The following ADISSP variants were observed in gnomAD, a reference collection of about 807,000 sequenced individuals.
ADISSP encodes adipose secreted signaling protein.
At chr20:3,766,288 T>C in the ADISSP span, among the ~76,000 whole-genome samples, 1 of 152,346 alleles carries the variant, frequency 6.6e-6, no homozygotes, top group African/African-American at 2.4e-5. Context: ...AGGCCACACA[T>C]ACTCAGAACA....
At chr20:3,760,348 C>T in the ADISSP span, among the ~76,000 whole-genome samples, 3 of 152,198 alleles carry the variant, frequency 2.0e-5, no homozygotes, top group Non-Finnish European at 4.4e-5. Context: ...TGCCCACCCT[C>T]TACCGACTGC....
chr20:3,755,385 C>T, the ADISSP span: 72 of 1,351,208 alleles, frequency 5.3e-5, no homozygotes, highest in Non-Finnish European at 7.3e-5. Context: ...GCTGAGCTGC[C>T]CATCCACCCT....
the ADISSP span, among the ~76,000 whole-genome samples, chr20:3,756,472 G>A: frequency 1.3e-5 from 2 of 151,806 alleles, no homozygotes; most frequent in African/African-American, 4.8e-5. Flanking sequence ...GGTGCCTGCT[G>A]TACTCCCAGC....
the ADISSP span, chr20:3,758,601 C>T: frequency 1.2e-6 from 2 of 1,614,112 alleles, no homozygotes; most frequent in Non-Finnish European, 1.7e-6. The surrounding 1 kb of genome is among the most constrained non-coding windows in gnomAD (Gnocchi z 5.5). Context: ...AGCTTCTCAT[C>T]AAAGTGGACG....
At chr20:3,756,837 A>T in the ADISSP span, among the ~76,000 whole-genome samples, 2 of 152,204 alleles carry the variant, frequency 1.3e-5, no homozygotes, top group Non-Finnish European at 2.9e-5. Context: ...CAGCTAAGTC[A>T]ATGATGACAC....
the ADISSP span, among the ~76,000 whole-genome samples, chr20:3,763,093 T>C: frequency 4.6e-5 from 7 of 150,862 alleles, no homozygotes; most frequent in Non-Finnish European, 1.0e-4. Context: ...CCATCTCTAC[T>C]AAAAATACAA....
At chr20:3,758,656 A>G in the ADISSP span, 7 of 1,613,628 alleles carry the variant, frequency 4.3e-6, no homozygotes, top group South Asian at 3.3e-5. The surrounding 1 kb of genome is among the most constrained non-coding windows in gnomAD (Gnocchi z 5.5). Flanking sequence ...CAAAGCGGAT[A>G]CTCCGGACTC....
At chr20:3,762,226 C>T in the ADISSP span, among the ~76,000 whole-genome samples, 5 of 151,134 alleles carry the variant, frequency 3.3e-5, no homozygotes, top group East Asian at 3.9e-4. Context: ...GAGCCAAGAT[C>T]GCGCCACGGC....
chr20:3,757,773 CGT>C, the ADISSP span, among the ~76,000 whole-genome samples: 5 of 152,150 alleles, frequency 3.3e-5, no homozygotes, highest in Admixed American at 1.3e-4. Context: ...GGACTACAGG[CGT>C]GCGCCACCAC....
chr20:3,755,814 A>G, the ADISSP span, among the ~76,000 whole-genome samples: 243 of 152,182 alleles, frequency 1.6e-3, 1 homozygote, highest in Non-Finnish European at 2.5e-3. Flanking sequence ...TCCCAGCCCT[A>G]CAGCTTGGCC....
the ADISSP span, chr20:3,758,477 A>G: frequency 6.4e-7 from 1 of 1,556,566 alleles, no homozygotes. The surrounding 1 kb of genome is among the most constrained non-coding windows in gnomAD (Gnocchi z 5.5). Flanking sequence ...ATAGGCACCC[A>G]GAAGCCAGGC....
the ADISSP span, among the ~76,000 whole-genome samples, chr20:3,762,972 G>A: frequency 6.6e-6 from 1 of 152,048 alleles, no homozygotes; most frequent in Non-Finnish European, 1.5e-5. Context: ...CATTTTGGGG[G>A]GTGCCGGGCG....
chr20:3,759,986 C>T, the ADISSP span: 2 of 1,586,078 alleles, frequency 1.3e-6, no homozygotes, highest in East Asian at 4.5e-5. The surrounding 1 kb of genome is among the most constrained non-coding windows in gnomAD (Gnocchi z 4.6). Flanking sequence ...CACACACACA[C>T]ACAGGTGGTG....
the ADISSP span, among the ~76,000 whole-genome samples, chr20:3,761,439 G>A: frequency 2.0e-5 from 3 of 151,886 alleles, no homozygotes; most frequent in Middle Eastern, 3.4e-3. Context: ...GGGTTCGAGC[G>A]ACTCTCCCAC....
chr20:3,756,707 C>A, the ADISSP span, among the ~76,000 whole-genome samples: 1 of 152,288 alleles, frequency 6.6e-6, no homozygotes, highest in South Asian at 2.1e-4. Flanking sequence ...GACCCTGTGA[C>A]CCAGGGGTAC....
the ADISSP span, among the ~76,000 whole-genome samples, chr20:3,761,049 C>T: frequency 1.3e-5 from 2 of 152,224 alleles, no homozygotes; most frequent in Non-Finnish European, 2.9e-5. Flanking sequence ...GCAGTGCCCT[C>T]TTTACTCTGA....
the ADISSP span, among the ~76,000 whole-genome samples, chr20:3,761,967 T>C: frequency 6.6e-6 from 1 of 152,184 alleles, no homozygotes; most frequent in Non-Finnish European, 1.5e-5. Flanking sequence ...TTTTTTGTTT[T>C]TGTTTTTGTT....
the ADISSP span, chr20:3,754,138 T>G: frequency 6.2e-7 from 1 of 1,612,796 alleles, no homozygotes; most frequent in Non-Finnish European, 8.5e-7. Context: ...TCCAGCAGCA[T>G]GGGCGTGCCG....
chr20:3,762,207 G>A, the ADISSP span, among the ~76,000 whole-genome samples: 1 of 152,126 alleles, frequency 6.6e-6, no homozygotes, highest in East Asian at 1.9e-4. Flanking sequence ...GGAAGGCGGA[G>A]GTTGCAGTGA....
Sources: allele counts gnomAD v4.1 joint callset (sites outside exome capture counted in the v4.1 genomes callset), GRCh38; gene constraint gnomAD v4.1.1; non-coding constraint Gnocchi (gnomAD v3.1); transcripts MANE v1.5; gene names NCBI Gene and HGNC (gene_info 2026-07-23, HGNC 2026-07-21).